The following XRN2 variants were observed in gnomAD, a reference collection of about 807,000 sequenced individuals.
XRN2 encodes the protein 5'-3' exoribonuclease 2.
A neutral mutation model predicts 138.5 loss-of-function variants in XRN2; 44 were observed. That is an observed-to-expected ratio of 0.32 (90% CI 0.25 to 0.41). The LOEUF is 0.41. XRN2 is among the 10% of genes least tolerant of loss of function. XRN2 has a pLI of 1.00. For missense variants in XRN2, 937 were observed against 1,169.3 expected (o/e 0.80, Z 2.90); for synonymous variants, 354 against 369.4 (o/e 0.96, Z 0.48).
chr20:21,324,681 T>G (rs774053714), intron 1 of XRN2, among the ~76,000 whole-genome samples: 2 of 152,192 alleles, frequency 1.3e-5, no homozygotes, highest in African/African-American at 2.4e-5. Flanking sequence ...TCGCCCAGGC[T>G]GGCATACAGT....
At chr20:21,350,008 A>G (rs1424972732) in intron 20 of XRN2, among the ~76,000 whole-genome samples, 1 of 152,256 alleles carries the variant, frequency 6.6e-6, no homozygotes, top group South Asian at 2.1e-4. Context: ...ACAGAAACAC[A>G]GTAGTATCCA....
At chr20:21,310,882 C>G (rs2122161745) in intron 1 of XRN2, among the ~76,000 whole-genome samples, 1 of 152,044 alleles carries the variant, frequency 6.6e-6, no homozygotes, top group South Asian at 2.1e-4. Context: ...GTAGCTGGGA[C>G]TACAGGCGCC....
intron 27 of XRN2, 37 bp from the exon 28 acceptor site, chr20:21,381,957 T>TA (rs1222783732): frequency 7.7e-6 from 12 of 1,564,858 alleles, no homozygotes; most frequent in Non-Finnish European, 7.8e-6. Context: ...TGGTTACTTT[T>TA]AAAAATCTTC....
chr20:21,366,232 T>C (rs1428069360), intron 26 of XRN2, among the ~76,000 whole-genome samples: 2 of 134,152 alleles, frequency 1.5e-5, no homozygotes, highest in Non-Finnish European at 3.1e-5. Flanking sequence ...ATATATATAT[T>C]ATATATATAA....
At chr20:21,366,396 A>G (rs574260532) in intron 26 of XRN2, among the ~76,000 whole-genome samples, 5 of 150,576 alleles carry the variant, frequency 3.3e-5, no homozygotes, top group African/African-American at 4.9e-5. Context: ...ACAAAATACA[A>G]AAAGTTATCT....
chr20:21,354,225 T>C (rs1195908845), intron 20 of XRN2, among the ~76,000 whole-genome samples: 1 of 152,204 alleles, frequency 6.6e-6, no homozygotes, highest in Non-Finnish European at 1.5e-5. Flanking sequence ...CCCTAAGTTA[T>C]TTAAGCAAGT....
intron 4 of XRN2, 71 bp downstream of exon 4, chr20:21,328,741 T>G: frequency 7.2e-7 from 1 of 1,382,104 alleles, no homozygotes; most frequent in Non-Finnish European, 1.0e-6. Flanking sequence ...GGTGGCAACT[T>G]TTTCTTACAA....
intron 1 of XRN2, among the ~76,000 whole-genome samples, chr20:21,316,849 T>G (rs1011015334): frequency 6.6e-6 from 1 of 152,248 alleles, no homozygotes; most frequent in Non-Finnish European, 1.5e-5. Context: ...TATTTCTTTG[T>G]TAGATTTAGC....
At chr20:21,366,029 ATATATAT>A (rs1476685688) in intron 26 of XRN2, among the ~76,000 whole-genome samples, 1 of 115,576 alleles carries the variant, frequency 8.7e-6, no homozygotes, top group African/African-American at 3.4e-5. Flanking sequence ...ATATATATAA[ATATATAT>A]TATATTTATA....
In XRN2 at chr20:21,328,476, T is replaced by G; in HGVS notation, c.316-83T>G. 2.2e-6 allele frequency: 3 copies of G among 1,334,126 alleles called. No individual in the cohort carries two copies. The South Asian group carries it at 4.0e-5, about 18-fold the overall frequency. The allele number at this position is 1,334,126 out of a possible 1,614,324, so 82.6% of individuals were successfully genotyped here. A position where few individuals can be genotyped will look rare whatever the true frequency, so the allele number is the denominator to read the frequency against. On this transcript the variant is annotated intron_variant, in intron 3 of 29. Coordinates refer to ENST00000377191, the MANE Select transcript of XRN2 (RefSeq NM_012255.5). ...CTTCCATTTTAGTGTACTGCTTTTA[T>G]AAGAACAACTGATTCAAAATAAGGT...
At position 21,308,138 on chromosome 20, in the gene XRN2, T is replaced by C. The variant is rs949273173; in HGVS notation, c.75+4665T>C. On this transcript the variant is annotated intron_variant, in intron 1 of 29. Coordinates refer to ENST00000377191, the MANE Select transcript of XRN2 (RefSeq NM_012255.5). ...TTTTAGTAGAGATGGAGTTTCACCA[T>C]GTTGGCCAGGCTGGTCTTGAACTCC... is the stretch of plus-strand genomic sequence containing the variant. 1.3e-4 allele frequency among the ~76,000 whole-genome samples: 19 copies of C among 145,032 alleles called. 8 individuals are homozygous for C. Among genetic ancestry groups the C allele is most frequent in the Non-Finnish European group, 2.9e-4 (19 of 66,256 alleles).
chr20:21,384,801 AT>A (rs555622965), intron 28 of XRN2, among the ~76,000 whole-genome samples: 138 of 152,254 alleles, frequency 9.1e-4, no homozygotes, highest in African/African-American at 3.3e-3. Context: ...CTAATTGCTA[AT>A]TTTTAGAATT....
intron 1 of XRN2, among the ~76,000 whole-genome samples, chr20:21,312,948 G>A (rs2037903769): frequency 6.6e-6 from 1 of 152,168 alleles, no homozygotes; most frequent in Admixed American, 6.5e-5. Flanking sequence ...TGAACAGTTT[G>A]CCAGTTGAGT....
chr20:21,356,502 A>G (rs968271818), intron 22 of XRN2, 84 bp from the exon 23 acceptor site: 8 of 1,237,088 alleles, frequency 6.5e-6, no homozygotes, highest in Non-Finnish European at 9.2e-6. Context: ...CTTATGAATG[A>G]TGCTGCTATG....
rs749254198 is a variant in XRN2 at position 21,331,609 on chromosome 20, A to C, written c.625A>C (p.Met209Leu). 4 of 1,612,940 alleles carry C rather than the reference A, an allele frequency of 2.5e-6. No homozygotes were observed. Among genetic ancestry groups the C allele is most frequent in the Non-Finnish European group, 3.4e-6 (4 of 1,179,806 alleles). ...TCCTGGTGAAGGAGAACATAAAATC[A>C]TGGATTACATTAGAAGGCAAAGAGG... ...SAPGEGEHKI[M>L]DYIRRQRAQP... Residue 209 changes from methionine to leucine, a missense_variant, in exon 7 of 30, where the codon ATG (methionine) becomes CTG (leucine). Met to Leu is a conservative substitution (Grantham distance 15). This residue lies in a region of XRN2 where 471 missense variants were observed against 581.2 expected (regional missense o/e 0.81). Transcript: ENST00000377191.
Position 21,354,737 on chromosome 20 carries a change from A to C in XRN2, c.1937-52A>C, listed in dbSNP as rs2038555387. On this transcript the variant is annotated intron_variant, in intron 20 of 29. Transcript: ENST00000377191. ...TTCATTTCGAGCAATGATAAGTTGG[A>C]ATTTGGGTGATCCTGGTAGCAGGGG... 6 of 1,545,798 alleles carry C rather than the reference A, an allele frequency of 3.9e-6. No individual in the cohort carries two copies. The Admixed American group carries it at 1.0e-4, about 26-fold the overall frequency.
chr20:21,325,763 C>T (rs537996977), intron 1 of XRN2, among the ~76,000 whole-genome samples: 9 of 152,294 alleles, frequency 5.9e-5, no homozygotes, highest in South Asian at 2.1e-4. Flanking sequence ...AGATTAAGGA[C>T]GTACACTTTT....
At chr20:21,363,893 A>G (rs894471436) in intron 24 of XRN2, among the ~76,000 whole-genome samples, 1 of 152,214 alleles carries the variant, frequency 6.6e-6, no homozygotes, top group Non-Finnish European at 1.5e-5. Context: ...TCTGTTGTAT[A>G]TATGTTTCCC....
At chr20:21,308,362 A>G (rs1032475437) in intron 1 of XRN2, among the ~76,000 whole-genome samples, 13 of 152,216 alleles carry the variant, frequency 8.5e-5, no homozygotes, top group African/African-American at 3.1e-4. Flanking sequence ...GTTTGGGGGA[A>G]AAACATTAGG....
Sources: allele counts gnomAD v4.1 joint callset (sites outside exome capture counted in the v4.1 genomes callset), GRCh38; gene constraint gnomAD v4.1.1; regional missense constraint gnomAD v4.1.1; transcripts MANE v1.5; gene names NCBI Gene and HGNC (gene_info 2026-07-23, HGNC 2026-07-21).